SORCS1: variants seen among roughly 807,000 people sequenced by gnomAD.
SORCS1 encodes sortilin related VPS10 domain containing receptor 1.
Under a neutral mutation model 146.1 loss-of-function variants are expected in SORCS1, and 60 were observed. That is an observed-to-expected ratio of 0.41 (90% CI 0.33 to 0.51). SORCS1 has a LOEUF of 0.51. SORCS1 is among the 20% of genes least tolerant of loss of function. The pLI is 0.21. For missense variants in SORCS1, 1,352 were observed against 1,487.6 expected (o/e 0.91, Z 1.50); for synonymous variants, 637 against 584.0 (o/e 1.09, Z -1.31).
At chr10:106,953,610 A>G (rs941203413) in intron 2 of SORCS1, among the ~76,000 whole-genome samples, 1 of 152,128 alleles carries the variant, frequency 6.6e-6, no homozygotes, top group Admixed American at 6.6e-5. Flanking sequence ...TTGTGTGAAC[A>G]TAATACAGTA....
At chr10:106,656,298 C>T (rs1850280995) in intron 17 of SORCS1, among the ~76,000 whole-genome samples, 1 of 152,168 alleles carries the variant, frequency 6.6e-6, no homozygotes, top group Non-Finnish European at 1.5e-5. Flanking sequence ...TGCCTGCAAT[C>T]CCAGGACTTT....
At chr10:106,894,762 G>A (rs986858899) in intron 2 of SORCS1, among the ~76,000 whole-genome samples, 1 of 152,142 alleles carries the variant, frequency 6.6e-6, no homozygotes, top group East Asian at 1.9e-4. Context: ...AAAAAGACTT[G>A]TTATTTTATC....
chr10:106,744,284 T>A (rs775486768), intron 5 of SORCS1, among the ~76,000 whole-genome samples: 2 of 152,038 alleles, frequency 1.3e-5, no homozygotes, highest in Non-Finnish European at 2.9e-5. Flanking sequence ...TTTTTGTAGT[T>A]TTAGTAGAGA....
chr10:106,910,252 C>T (rs570185960), intron 2 of SORCS1, among the ~76,000 whole-genome samples: 3 of 150,944 alleles, frequency 2.0e-5, no homozygotes, highest in Non-Finnish European at 4.4e-5. Flanking sequence ...GGATAATCTA[C>T]TTAACAATTC....
chr10:106,686,669 C>T (rs1406713135), intron 10 of SORCS1, among the ~76,000 whole-genome samples: 1 of 152,164 alleles, frequency 6.6e-6, no homozygotes, highest in Non-Finnish European at 1.5e-5. Context: ...GCTTTTTCCT[C>T]CTCTTAAGTT....
chr10:107,180,190 A>G, the SORCS1 span, among the ~76,000 whole-genome samples: 1 of 152,176 alleles, frequency 6.6e-6, no homozygotes, highest in African/African-American at 2.4e-5. Flanking sequence ...TGCTAGGATT[A>G]CAAGTGTGAG....
chr10:106,877,442 T>A (rs1394059725), intron 2 of SORCS1, among the ~76,000 whole-genome samples: 1 of 151,506 alleles, frequency 6.6e-6, no homozygotes, highest in African/African-American at 2.4e-5. Flanking sequence ...TAGTTGTGCA[T>A]GGTGGTGCAA....
chr10:107,143,047 A>G (rs530698158), intron 1 of SORCS1, among the ~76,000 whole-genome samples: 21 of 152,332 alleles, frequency 1.4e-4, no homozygotes, highest in Admixed American at 7.2e-4. Flanking sequence ...ATTTTGTGAC[A>G]GACTGTGTGC....
rs1238128125 is a variant in SORCS1, at chr10:106,624,429, T to C, written c.2663-3868A>G. On this transcript the variant is annotated intron_variant, in intron 19 of 25. Coordinates refer to ENST00000263054, the MANE Select transcript of SORCS1 (RefSeq NM_052918.5). The stretch of plus-strand genomic sequence containing the variant: ...AGACTGGAGTGCAGTGGCACGATCT[T>C]GGCTTGTTGCAACCTCTGCCTCCTG... 1.0e-4 allele frequency among the ~76,000 whole-genome samples: 15 copies of C among 148,818 alleles called. No individual in the cohort carries two copies. The Admixed American group carries it at 1.0e-3, about 10-fold the overall frequency.
chr10:106,900,201 G>A (rs1951649350), intron 2 of SORCS1, among the ~76,000 whole-genome samples: 1 of 152,058 alleles, frequency 6.6e-6, no homozygotes, highest in South Asian at 2.1e-4. Context: ...CACACTGTTG[G>A]CTTACTTCTC....
intron 6 of SORCS1, among the ~76,000 whole-genome samples, chr10:106,726,185 C>CTTTTTT (rs1169402270): frequency 5.7e-4 from 38 of 66,278 alleles, no homozygotes; most frequent in African/African-American, 1.0e-3. Context: ...CTTTCCCTCT[C>CTTTTTT]TTTTTTTTTT....
Position 106,989,670 on chromosome 10 carries a change from G to GTTTTTT in SORCS1, c.559-33096_559-33091dup, listed in dbSNP as rs1335278625. On this transcript the variant is annotated intron_variant, in intron 1 of 25. Transcript: ENST00000263054. ...CTCTTTATATACTCATATTTTTTCTGTTTTTTTTTGTTTTTTTTTTTTTTT... is the reference window on the plus strand; with the variant it reads ...CTCTTTATATACTCATATTTTTTCTGTTTTTTTTTTTTTTTGTTTTTTTTTTTTTTT... 4.6e-4 allele frequency among the ~76,000 whole-genome samples: 53 copies of GTTTTTT among 116,438 alleles called. 13 individuals carry two copies. The highest frequency in any genetic ancestry group is 2.3e-3 in the African/African-American group (50 of 22,160). 76.4% of individuals were successfully genotyped at this position (116,438 alleles called of 152,430 possible). A position where few individuals can be genotyped will look rare whatever the true frequency, so the allele number is the denominator to read the frequency against.
At chr10:106,687,530 G>C (rs1017592346) in intron 10 of SORCS1, among the ~76,000 whole-genome samples, 2 of 152,128 alleles carry the variant, frequency 1.3e-5, no homozygotes, top group Non-Finnish European at 1.5e-5. Flanking sequence ...CCTTTGTAGA[G>C]TGAAAGCAGC....
intron 19 of SORCS1, 52 bp from the exon 20 acceptor site, chr10:106,620,613 C>A: frequency 6.3e-7 from 1 of 1,593,832 alleles, no homozygotes; most frequent in South Asian, 1.1e-5. Context: ...TTCCTCTGCT[C>A]TGTCCTCCCT....
chr10:106,699,102 G>A, intron 9 of SORCS1, 112 bp downstream of exon 9: 1 of 886,930 alleles, frequency 1.1e-6, no homozygotes, highest in Non-Finnish European at 1.6e-6. Context: ...CAAGAGAAAT[G>A]AGGCCACATA....
chr10:106,849,972 AC>A (rs1214387386), intron 2 of SORCS1, among the ~76,000 whole-genome samples: 1 of 152,112 alleles, frequency 6.6e-6, no homozygotes, highest in African/African-American at 2.4e-5. Flanking sequence ...TGCTGGAAGA[AC>A]CACTGCTGTC....
intron 2 of SORCS1, among the ~76,000 whole-genome samples, chr10:106,871,412 A>G (rs1950403246): frequency 6.6e-6 from 1 of 152,206 alleles, no homozygotes; most frequent in South Asian, 2.1e-4. Flanking sequence ...GAGGAATACA[A>G]ATCATTCTAC....
At chr10:106,620,248 CAGAG>C (rs112818359) in intron 20 of SORCS1, 176 bp downstream of exon 20, 3,589 of 569,010 alleles carry the variant, frequency 6.3e-3, no homozygotes, top group South Asian at 0.016. Flanking sequence ...GGAGAGGGGC[CAGAG>C]AGAGAGAGAG....
Position 106,706,620 on chromosome 10 carries a change from C to A in SORCS1, c.1158G>T (p.Gly386=). ...GGTAGGACACGTAGTAATGTGGCCGCCCTCCTGATGTCAGCTGGATCATAA... is the reference window on the plus strand; with the variant it reads ...GGTAGGACACGTAGTAATGTGGCCGACCTCCTGATGTCAGCTGGATCATAA... The part of the protein sequence containing the change: ...HYVFVQLTSG[G]RPHYYVSYRR... The change falls in exon 8 of 26, where the codon GGG becomes GGT. Residue 386 remains glycine (G), a synonymous_variant. Transcript: ENST00000263054. 6.2e-7 allele frequency: 1 copy of A among 1,614,122 alleles called. No individual in the cohort carries two copies. The highest frequency in any genetic ancestry group is 8.5e-7 in the Non-Finnish European group (1 of 1,179,984).
Sources: allele counts gnomAD v4.1 joint callset (sites outside exome capture counted in the v4.1 genomes callset), GRCh38; gene constraint gnomAD v4.1.1; transcripts MANE v1.5; gene names NCBI Gene and HGNC (gene_info 2026-07-23, HGNC 2026-07-21).